JMJD1C: variants seen among roughly 807,000 people sequenced by gnomAD.
The protein encoded by JMJD1C is jumonji domain-containing protein 1C.
Under a neutral mutation model 245.3 loss-of-function variants are expected in JMJD1C, and 31 were observed. That is an observed-to-expected ratio of 0.13 (90% CI 0.09 to 0.17). The LOEUF (loss-of-function observed/expected upper bound fraction) is 0.17, where lower values mean the gene tolerates loss of function less well. Among genes scored for constraint, JMJD1C ranks in the 10% least tolerant of loss-of-function variants. JMJD1C has a pLI of 1.00. For synonymous variants in JMJD1C, 1,057 were observed against 1,017.4 expected, an observed-to-expected ratio of 1.04 and a Z score of -0.74; for missense variants, 2,691 against 3,000.2, an observed-to-expected ratio of 0.90 and a Z score of 2.41.
chr10:63,234,521 A>AAAAAAAAAC (rs1850467689), intron 3 of JMJD1C, among the ~76,000 whole-genome samples: 1 of 137,382 alleles, frequency 7.3e-6, no homozygotes, highest in Admixed American at 7.2e-5. Context: ...AAAAAAAAAA[A>AAAAAAAAAC]CACCAAAAAC....
At chr10:63,217,510 A>C (rs898325434) in intron 4 of JMJD1C, among the ~76,000 whole-genome samples, 179 bp from the exon 5 acceptor site, 1 of 152,178 alleles carries the variant, frequency 6.6e-6, no homozygotes. Context: ...TACTATATAC[A>C]CTGCACTAGA....
chr10:63,352,904 G>A (rs1944485471), intron 2 of JMJD1C, among the ~76,000 whole-genome samples: 1 of 152,074 alleles, frequency 6.6e-6, no homozygotes, highest in African/African-American at 2.4e-5. Context: ...TGTGGAATTT[G>A]GTAAAAGTAG....
rs763499705 is a variant in JMJD1C, at chr10:63,206,600, C to T, written c.5069G>A (p.Ser1690Asn). ...ERSKLKLQSN[S>N]NTGIPRSVLK... ...AAACAAAGTAACTGACTTACTATTA[C>T]TGTTGCTTTGCAACTTCAGTTTACT... Residue 1690 changes from serine to asparagine, a missense_variant, in exon 10 of 26, where the codon AGT becomes AAT. Ser to Asn is a conservative substitution (Grantham distance 46). Around this residue, in one of 9 missense-constraint regions of JMJD1C, gnomAD observed 144 missense variants for 143.3 expected, o/e 1.00. Transcript: ENST00000399262. 14 of 1,586,800 alleles carry T rather than the reference C, an allele frequency of 8.8e-6. No homozygotes were observed. The highest frequency in any genetic ancestry group is 1.4e-5 in the African/African-American group (1 of 73,550).
chr10:63,433,094 T>C (rs1384424165), intron 1 of JMJD1C, among the ~76,000 whole-genome samples: 1 of 151,082 alleles, frequency 6.6e-6, no homozygotes, highest in Non-Finnish European at 1.5e-5. Context: ...TTTATTATTA[T>C]CATTTTTTTT....
intron 18 of JMJD1C, among the ~76,000 whole-genome samples, chr10:63,188,127 A>G (rs542692484): frequency 1.3e-5 from 2 of 152,328 alleles, no homozygotes; most frequent in Admixed American, 1.3e-4. Flanking sequence ...TAGCTTTGAC[A>G]TTTCCTTTTC....
chr10:63,213,895 A>T lies in JMJD1C; in HGVS notation c.2272T>A (p.Leu758Ile). ...GCTAGTAAATGGGGTGCAGGAGTTAAGGCAGGATGATGGGTACCTGGATTT... is the reference window on the plus strand; with the variant it reads ...GCTAGTAAATGGGGTGCAGGAGTTATGGCAGGATGATGGGTACCTGGATTT... ...CLNPGTHHPA[L>I]TPAPHLLAGS... Residue 758 changes from leucine to isoleucine, a missense_variant, in exon 8 of 26, where the codon TTA becomes ATA. Leu to Ile is a conservative substitution (Grantham distance 5, BLOSUM62 2). Coordinates refer to ENST00000399262, the MANE Select transcript of JMJD1C (RefSeq NM_032776.3). 1 of 1,614,196 alleles carries T rather than the reference A, an allele frequency of 6.2e-7. No individual in the cohort carries two copies. The highest frequency in any genetic ancestry group is 8.5e-7 in the Non-Finnish European group (1 of 1,180,020).
Position 63,200,657 on chromosome 10 carries a change from A to G in JMJD1C, c.5095T>C (p.Leu1699=). The stretch of plus-strand genomic sequence containing the variant: ...TTCTTGACTTTACGCCAATCTTTCA[A>G]TACTGAACGAGGAATGCCAGCTGTA... ...NSNTGIPRSV[L]KDWRKVKKLK... The change falls in exon 11 of 26, where the codon TTG becomes CTG. Residue 1699 remains leucine, a synonymous_variant. Transcript: ENST00000399262. 1 of 1,613,988 alleles carries G rather than the reference A, an allele frequency of 6.2e-7. No individual in the cohort carries two copies. The highest frequency in any genetic ancestry group is 1.3e-5 in the African/African-American group (1 of 75,044).
chr10:63,303,778 A>G (rs548812442), intron 2 of JMJD1C, among the ~76,000 whole-genome samples: 15 of 152,322 alleles, frequency 9.8e-5, no homozygotes, highest in Middle Eastern at 3.4e-3. Context: ...TTTAAAAAAT[A>G]TATTTTTTAT....
At chr10:63,290,151 A>T (rs1858470246) in intron 2 of JMJD1C, among the ~76,000 whole-genome samples, 1 of 152,192 alleles carries the variant, frequency 6.6e-6, no homozygotes, top group Admixed American at 6.5e-5. Flanking sequence ...AACAAACCTT[A>T]AAGGAAGGTC....
At chr10:63,231,483 G>A (rs1370844454) in intron 3 of JMJD1C, among the ~76,000 whole-genome samples, 1 of 152,130 alleles carries the variant, frequency 6.6e-6, no homozygotes, top group East Asian at 1.9e-4. Flanking sequence ...GCCTATACAG[G>A]AACTGCAAGT....
At chr10:63,462,046 G>A (rs1365549236) in intron 1 of JMJD1C, among the ~76,000 whole-genome samples, 1 of 152,138 alleles carries the variant, frequency 6.6e-6, no homozygotes, top group Non-Finnish European at 1.5e-5. Context: ...TGTCAAAAAT[G>A]TATCCCAAGA....
chr10:63,332,730 T>C (rs1942292645), intron 2 of JMJD1C, among the ~76,000 whole-genome samples: 1 of 152,242 alleles, frequency 6.6e-6, no homozygotes, highest in African/African-American at 2.4e-5. Context: ...ATGTTCCATT[T>C]ATTTTTATAG....
intron 3 of JMJD1C, among the ~76,000 whole-genome samples, chr10:63,239,190 C>T (rs571169632): frequency 2.0e-5 from 3 of 152,152 alleles, no homozygotes; most frequent in Admixed American, 6.5e-5. Context: ...AATTCATACG[C>T]AAGAATAGAT....
chr10:63,219,301 A>G (rs1564631012), intron 4 of JMJD1C, among the ~76,000 whole-genome samples: 1 of 152,168 alleles, frequency 6.6e-6, no homozygotes, highest in Non-Finnish European at 1.5e-5. Context: ...AAGACATTCA[A>G]CAACAGTTCA....
chr10:63,484,871 T>C (rs1407038491), intron 1 of JMJD1C, among the ~76,000 whole-genome samples: 1 of 151,916 alleles, frequency 6.6e-6, no homozygotes, highest in Non-Finnish European at 1.5e-5. Flanking sequence ...AACACTCACC[T>C]TTCCTCAGTT....
At chr10:63,249,859 T>TA (rs112361874) in intron 3 of JMJD1C, among the ~76,000 whole-genome samples, 5,001 of 140,228 alleles carry the variant, frequency 0.036, 282 homozygotes, top group African/African-American at 0.12. Context: ...GACTCCATCT[T>TA]AAAAAAAAAA....
chr10:63,509,741 T>C (rs1954819899), intron 1 of JMJD1C, among the ~76,000 whole-genome samples: 1 of 152,216 alleles, frequency 6.6e-6, no homozygotes, highest in Admixed American at 6.5e-5. Flanking sequence ...GTCAATGGGA[T>C]CTGTAAAGAT....
chr10:63,207,272 A>C lies in JMJD1C; in HGVS notation c.4397T>G (p.Val1466Gly), dbSNP rs750024925. The stretch of plus-strand genomic sequence containing the variant: ...TGAGAACCCAGAACTGGGTTGAACA[A>C]CACTTCCTGTCTTACTACTGGCTAA... ...VTLASSKTGS[V>G]VQPSSGFSGT... Residue 1466 changes from valine to glycine, a missense_variant, in exon 10 of 26, where the codon GTT becomes GGT. This residue lies in a region of JMJD1C where 1,562 missense variants were observed against 1,490.7 expected (regional missense o/e 1.05). Coordinates refer to ENST00000399262, the MANE Select transcript of JMJD1C (RefSeq NM_032776.3). The C allele has an allele frequency of 1.9e-5, 30 of 1,613,822 alleles. No homozygotes were observed. The highest frequency in any genetic ancestry group is 8.8e-5 in the South Asian group (8 of 91,090).
chr10:63,221,785 G>A lies in JMJD1C; in HGVS notation c.448-1802C>T, dbSNP rs189506871. On this transcript the variant is annotated intron_variant, in intron 3 of 25. Coordinates refer to ENST00000399262, the MANE Select transcript of JMJD1C (RefSeq NM_032776.3). Reference sequence around the variant, plus strand: ...TGCCCAGGCTGGAGTGCAATGGCACGATCTCGGCTTACTGCAACCTCCACC... The same window carrying A: ...TGCCCAGGCTGGAGTGCAATGGCACAATCTCGGCTTACTGCAACCTCCACC... Among the ~76,000 whole-genome samples, 57 of 152,290 alleles carry A rather than the reference G, an allele frequency of 3.7e-4. 1 individual carries two copies. Among genetic ancestry groups the A allele is most frequent in the African/African-American group, 1.1e-3 (47 of 41,566 alleles).
Sources: allele counts gnomAD v4.1 joint callset (sites outside exome capture counted in the v4.1 genomes callset), GRCh38; gene constraint gnomAD v4.1.1; regional missense constraint gnomAD v4.1.1; transcripts MANE v1.5; gene names NCBI Gene and HGNC (gene_info 2026-07-23, HGNC 2026-07-21).